Variants in TMEM132B observed in about 807,000 individuals in gnomAD.
TMEM132B encodes the protein transmembrane protein 132B.
In TMEM132B, 18 loss-of-function variants were observed where a neutral mutation model predicts 90.8. The ratio of observed to expected loss-of-function variants is 0.20; its 90% CI spans 0.14 to 0.29. The LOEUF is 0.29. TMEM132B is among the 10% of genes least tolerant of loss of function. The pLI, the probability that TMEM132B is intolerant of heterozygous loss-of-function variation, is 1.00. For missense variants in TMEM132B, 1,096 were observed against 1,326.8 expected (o/e 0.83, Z 2.70); for synonymous variants, 504 against 523.3 (o/e 0.96, Z 0.50).
chr12:125,357,875 T>A (rs543963653), intron 2 of TMEM132B, among the ~76,000 whole-genome samples: 40 of 152,340 alleles, frequency 2.6e-4, no homozygotes, highest in Non-Finnish European at 5.3e-4. Context: ...GTCTTATCCA[T>A]GAGAAGACAA....
chr12:125,600,008 TGGGGGCTA>T (rs1885534629), intron 5 of TMEM132B, among the ~76,000 whole-genome samples: 1 of 152,048 alleles, frequency 6.6e-6, no homozygotes, highest in Non-Finnish European at 1.5e-5. Context: ...GGTGGACAGG[TGGGGGCTA>T]GATTGTGATG....
At chr12:125,340,888 C>T (rs912872864) in intron 1 of TMEM132B, among the ~76,000 whole-genome samples, 1 of 152,228 alleles carries the variant, frequency 6.6e-6, no homozygotes, top group African/African-American at 2.4e-5. Context: ...GAGGAGGCAT[C>T]CTCGTAAGCT....
chr12:125,282,027 C>CAAAAAAAAAAAA (rs869083244), intron 1 of TMEM132B, among the ~76,000 whole-genome samples: 14 of 16,048 alleles, frequency 8.7e-4, no homozygotes, highest in Admixed American at 1.9e-3. Flanking sequence ...GACTCCGTCT[C>CAAAAAAAAAAAA]AAAAAAAAAA....
At chr12:125,542,858 G>A (rs772488850) in intron 4 of TMEM132B, among the ~76,000 whole-genome samples, 1 of 152,172 alleles carries the variant, frequency 6.6e-6, no homozygotes, top group African/African-American at 2.4e-5. Context: ...TGGAGAGCAG[G>A]CTTTTAATTA....
chr12:125,527,055 C>CATCCACCCATTTACCCTTCT (rs1566063732), intron 4 of TMEM132B, among the ~76,000 whole-genome samples: 2 of 146,030 alleles, frequency 1.4e-5, no homozygotes, highest in African/African-American at 5.1e-5. Context: ...TCCACCCTTC[C>CATCCACCCATTTACCCTTCT]ATCCACCCAT....
At chr12:125,400,654 G>A (rs774836764) in intron 2 of TMEM132B, among the ~76,000 whole-genome samples, 16 of 152,296 alleles carry the variant, frequency 1.1e-4, no homozygotes, top group South Asian at 4.1e-4. Flanking sequence ...AGAGTCTGAC[G>A]TTACCAGCCT....
intron 4 of TMEM132B, among the ~76,000 whole-genome samples, chr12:125,579,113 A>T (rs1884996274): frequency 6.6e-6 from 1 of 152,034 alleles, no homozygotes; most frequent in Non-Finnish European, 1.5e-5. Flanking sequence ...GAAATCTCTG[A>T]TGCTGTATTT....
intron 2 of TMEM132B, among the ~76,000 whole-genome samples, chr12:125,375,703 G>A (rs951548651): frequency 1.3e-5 from 2 of 152,348 alleles, no homozygotes; most frequent in South Asian, 2.1e-4. Flanking sequence ...CCACGGCTGC[G>A]TGTTTCCATA....
chr12:125,305,487 T>C (rs940086091), intron 1 of TMEM132B, among the ~76,000 whole-genome samples: 26 of 152,156 alleles, frequency 1.7e-4, no homozygotes, highest in African/African-American at 6.0e-4. Flanking sequence ...TAAGAAGTCC[T>C]GGCATAAAGT....
At chr12:125,234,786 C>T (rs1379118889) in intron 1 of TMEM132B, among the ~76,000 whole-genome samples, 1 of 152,188 alleles carries the variant, frequency 6.6e-6, no homozygotes, top group Non-Finnish European at 1.5e-5. Context: ...AGATGGACTT[C>T]TCTGCTCACT....
intron 1 of TMEM132B, among the ~76,000 whole-genome samples, chr12:125,335,846 G>A (rs1270393603): frequency 6.6e-6 from 1 of 152,154 alleles, no homozygotes; most frequent in Non-Finnish European, 1.5e-5. Context: ...CATTAGCCAG[G>A]TGTGGTGGCA....
intron 4 of TMEM132B, among the ~76,000 whole-genome samples, chr12:125,549,700 G>A (rs1208179443): frequency 6.6e-6 from 1 of 152,124 alleles, no homozygotes; most frequent in Non-Finnish European, 1.5e-5. Flanking sequence ...CTTAACTTCT[G>A]TTTTCATTTC....
At chr12:125,320,484 C>G (rs1436101001) in intron 1 of TMEM132B, among the ~76,000 whole-genome samples, 6 of 152,100 alleles carry the variant, frequency 3.9e-5, no homozygotes, top group Non-Finnish European at 7.4e-5. Flanking sequence ...CTTTTATTAG[C>G]GTGTGGAACC....
intron 1 of TMEM132B, among the ~76,000 whole-genome samples, chr12:125,245,106 C>G (rs1274837854): frequency 6.6e-6 from 1 of 152,180 alleles, no homozygotes; most frequent in Non-Finnish European, 1.5e-5. Context: ...GCCCGTATCC[C>G]TTGAAATAAT....
intron 1 of TMEM132B, among the ~76,000 whole-genome samples, chr12:125,345,784 G>A (rs1877338185): frequency 6.6e-6 from 1 of 152,092 alleles, no homozygotes; most frequent in South Asian, 2.1e-4. Context: ...TGCTCTCAGG[G>A]CCCACCTCGT....
chr12:125,422,730 G>C (rs1880204007), intron 3 of TMEM132B, among the ~76,000 whole-genome samples: 1 of 152,186 alleles, frequency 6.6e-6, no homozygotes, highest in South Asian at 2.1e-4. Flanking sequence ...ACAGGGATGC[G>C]AGTGATGCAG....
rs566781027 is a variant in TMEM132B, at chr12:125,519,254, A to G, written c.1107-185A>G. Among the ~76,000 whole-genome samples, 26 of 152,238 alleles carry G rather than the reference A, an allele frequency of 1.7e-4. No homozygotes were observed. The East Asian group carries it at 4.3e-3, about 25-fold the overall frequency. ...AGCCCTAGAGACGGATCGTCAGCCT[A>G]TTCTGAGGTGTGGGCTGCTGATGGG... On this transcript the variant is annotated intron_variant, in intron 3 of 8. Coordinates refer to ENST00000682704, the MANE Select transcript of TMEM132B (RefSeq NM_001366854.1).
intron 2 of TMEM132B, among the ~76,000 whole-genome samples, chr12:125,409,277 G>A (rs1261113511): frequency 6.6e-6 from 1 of 152,174 alleles, no homozygotes; most frequent in Non-Finnish European, 1.5e-5. Context: ...ACTTCCTCGT[G>A]TCCTGGAAAT....
chr12:125,552,854 C>G lies in TMEM132B; in HGVS notation c.1294-30997C>G, dbSNP rs538731728. ...AATGCATGGGGAATAACAGACACGT[C>G]CCTGCACAGGGAGTCAGGAGAGCGG... On this transcript the variant is annotated intron_variant, in intron 4 of 8. Coordinates refer to ENST00000682704, the MANE Select transcript of TMEM132B (RefSeq NM_001366854.1). Among the ~76,000 whole-genome samples, 17 of 152,372 alleles carry G rather than the reference C, an allele frequency of 1.1e-4. No homozygotes were observed. The South Asian group carries it at 3.1e-3, about 28-fold the overall frequency.
Sources: gnomAD v4.1 joint callset for allele counts (sites outside exome capture counted in the v4.1 genomes callset) on GRCh38, gnomAD v4.1.1 for gene constraint, MANE v1.5 for transcripts, NCBI Gene and HGNC (gene_info 2026-07-23, HGNC 2026-07-21) for gene names.